ADCY8: variants seen among roughly 807,000 people sequenced by gnomAD.
ADCY8 encodes the protein adenylate cyclase type 8.
Under a neutral mutation model 119.7 loss-of-function variants are expected in ADCY8, and 51 were observed. The observed-to-expected ratio is 0.43, with a 90% confidence interval of 0.34 to 0.54. The LOEUF is 0.54. Among genes scored for constraint, ADCY8 ranks in the 20% least tolerant of loss-of-function variants. The pLI is 0.03. For missense variants in ADCY8, 1,383 were observed against 1,598.8 expected, an observed-to-expected ratio of 0.87 and a Z score of 2.30; for synonymous variants, 665 against 651.0, an observed-to-expected ratio of 1.02 and a Z score of -0.33.
chr8:131,032,234 A>G (rs751830513), intron 1 of ADCY8, among the ~76,000 whole-genome samples: 50 of 152,226 alleles, frequency 3.3e-4, no homozygotes, highest in Non-Finnish European at 6.6e-4. Flanking sequence ...TTCACCATGT[A>G]TAACTTTATC....
At chr8:131,030,491 G>A (rs1012831378) in intron 1 of ADCY8, among the ~76,000 whole-genome samples, 1 of 152,170 alleles carries the variant, frequency 6.6e-6, no homozygotes, top group East Asian at 1.9e-4. Context: ...GAGGTCTGTA[G>A]TAAAAAGAGT....
At chr8:130,908,242 A>G (rs192323769) in intron 6 of ADCY8, among the ~76,000 whole-genome samples, 3 of 152,316 alleles carry the variant, frequency 2.0e-5, no homozygotes, top group Non-Finnish European at 2.9e-5. Flanking sequence ...AAAGGAATCT[A>G]TTGAGTATAT....
intron 2 of ADCY8, among the ~76,000 whole-genome samples, chr8:130,979,711 G>C (rs1210560412): frequency 1.3e-5 from 2 of 152,104 alleles, no homozygotes; most frequent in Non-Finnish European, 2.9e-5. Context: ...ATAAAATGGA[G>C]GTAAAAAATT....
At chr8:130,824,788 AT>A (rs1371385180) in intron 12 of ADCY8, among the ~76,000 whole-genome samples, 1 of 151,602 alleles carries the variant, frequency 6.6e-6, no homozygotes, top group Non-Finnish European at 1.5e-5. Flanking sequence ...GTTTCTTGAA[AT>A]TTTTTTTTAG....
At chr8:130,957,570 G>A (rs1234743875) in intron 2 of ADCY8, among the ~76,000 whole-genome samples, 1 of 152,188 alleles carries the variant, frequency 6.6e-6, no homozygotes, top group East Asian at 1.9e-4. Context: ...TAATCCCCAG[G>A]ACAATGGGGA....
chr8:130,898,877 A>G (rs1224025235), intron 7 of ADCY8, among the ~76,000 whole-genome samples: 3 of 152,188 alleles, frequency 2.0e-5, no homozygotes, highest in Non-Finnish European at 2.9e-5. Flanking sequence ...CCGACAGTCC[A>G]TTCTTCACAG....
At chr8:130,800,307 T>C in intron 15 of ADCY8, 119 bp downstream of exon 15, 3 of 1,133,086 alleles carry the variant, frequency 2.6e-6, no homozygotes, top group Non-Finnish European at 1.3e-6. Flanking sequence ...GTGTTTATAA[T>C]GCAGGCTGGA....
At chr8:130,953,351 G>A (rs770792538) in intron 2 of ADCY8, among the ~76,000 whole-genome samples, 7 of 152,154 alleles carry the variant, frequency 4.6e-5, no homozygotes, top group Non-Finnish European at 1.0e-4. Flanking sequence ...AGTTATTTAT[G>A]GGTATTAAGC....
chr8:130,981,124 A>G (rs1822227547), intron 2 of ADCY8, among the ~76,000 whole-genome samples: 1 of 152,236 alleles, frequency 6.6e-6, no homozygotes, highest in Non-Finnish European at 1.5e-5. Context: ...TTCTAAAAAC[A>G]TTGCTTTCAA....
intron 11 of ADCY8, among the ~76,000 whole-genome samples, chr8:130,844,728 G>A (rs1817246497): frequency 6.6e-6 from 1 of 152,202 alleles, no homozygotes; most frequent in Admixed American, 6.5e-5. Context: ...ATGTCAACTG[G>A]TGGGTCAGAT....
In ADCY8 at chr8:131,040,399, G is replaced by A; in HGVS notation, c.-66C>T. On this transcript the variant is annotated 5_prime_UTR_variant, in exon 1 of 18. Coordinates refer to ENST00000286355, the MANE Select transcript of ADCY8 (RefSeq NM_001115.3). ...GGCAGCCGGAGGAGGGGTTCCTAAA[G>A]ACTCAAAGGCGGCCTGGTAGGAGCT... 7.0e-7 allele frequency: 1 copy of A among 1,421,314 alleles called. No individual in the cohort carries two copies. Among genetic ancestry groups the A allele is most frequent in the Non-Finnish European group, 9.1e-7 (1 of 1,094,342 alleles). 88.0% of individuals were successfully genotyped at this position (1,421,314 alleles called of 1,614,324 possible). A position where few individuals can be genotyped will look rare whatever the true frequency, so the allele number is the denominator to read the frequency against.
chr8:130,966,761 T>C (rs1243024273), intron 2 of ADCY8, among the ~76,000 whole-genome samples: 1 of 152,216 alleles, frequency 6.6e-6, no homozygotes, highest in Non-Finnish European at 1.5e-5. Flanking sequence ...AGTTGCGTCC[T>C]GTGTGAATTG....
chr8:130,794,376 C>T (rs9649965), intron 15 of ADCY8, among the ~76,000 whole-genome samples: 94,060 of 151,988 alleles, frequency 0.62, 30,156 homozygotes, highest in African/African-American at 0.75. Flanking sequence ...TCCCGAGTAG[C>T]TAGGATTATA....
At chr8:130,946,120 T>C (rs1225147138) in intron 3 of ADCY8, among the ~76,000 whole-genome samples, 2 of 152,242 alleles carry the variant, frequency 1.3e-5, no homozygotes, top group African/African-American at 2.4e-5. Context: ...CCAAAGCTAC[T>C]AGTATCCATC....
At chr8:130,938,898 A>T (rs1044645332) in intron 4 of ADCY8, among the ~76,000 whole-genome samples, 5 of 152,162 alleles carry the variant, frequency 3.3e-5, no homozygotes, top group African/African-American at 1.2e-4. Context: ...AACACAGCTG[A>T]CAATTAGGTC....
At chr8:130,888,372 G>T (rs1028060599) in intron 7 of ADCY8, among the ~76,000 whole-genome samples, 5 of 152,024 alleles carry the variant, frequency 3.3e-5, no homozygotes, top group Non-Finnish European at 7.4e-5. Flanking sequence ...TATAAATGAT[G>T]TTATAAATAA....
chr8:131,026,494 A>G (rs1823828963), intron 1 of ADCY8, among the ~76,000 whole-genome samples: 1 of 152,198 alleles, frequency 6.6e-6, no homozygotes, highest in Admixed American at 6.5e-5. Context: ...TACCTGGTGG[A>G]GTAGCAGGGA....
intron 11 of ADCY8, among the ~76,000 whole-genome samples, chr8:130,842,921 G>A (rs941610073): frequency 8.6e-5 from 13 of 150,690 alleles, no homozygotes; most frequent in African/African-American, 3.2e-4. Context: ...TCAAATCTGA[G>A]TTGGTCTTCT....
At chr8:130,987,371 A>G (rs1265987586) in intron 2 of ADCY8, among the ~76,000 whole-genome samples, 2 of 152,204 alleles carry the variant, frequency 1.3e-5, no homozygotes, top group African/African-American at 4.8e-5. Flanking sequence ...CTTTAAGGCC[A>G]GGATCTGATT....
Sources: allele counts gnomAD v4.1 joint callset (sites outside exome capture counted in the v4.1 genomes callset), GRCh38; gene constraint gnomAD v4.1.1; transcripts MANE v1.5; gene names NCBI Gene and HGNC (gene_info 2026-07-23, HGNC 2026-07-21).